The following REL variants were observed in gnomAD, a reference collection of about 807,000 sequenced individuals.
The protein encoded by REL is proto-oncogene c-Rel.
A neutral mutation model predicts 45.9 loss-of-function variants in REL; 15 were observed. That is an observed-to-expected ratio of 0.33 (90% CI 0.22 to 0.50). REL has a LOEUF of 0.50. Among genes scored for constraint, REL ranks in the 20% least tolerant of loss-of-function variants. The probability of loss-of-function intolerance (pLI) is 0.98; values close to 1 mark genes in which losing one functional copy is unlikely to be tolerated. For missense variants in REL, 601 were observed against 715.2 expected (o/e 0.84, Z 1.82); for synonymous variants, 239 against 242.1 (o/e 0.99, Z 0.12).
intron 1 of REL, among the ~76,000 whole-genome samples, chr2:60,883,919 A>G (rs1403888592): frequency 1.4e-5 from 2 of 146,500 alleles, no homozygotes. Context: ...CAAGTTATTT[A>G]AATTGTAATT....
At chr2:60,905,356 A>T (rs1411161256) in intron 4 of REL, among the ~76,000 whole-genome samples, 2 of 152,154 alleles carry the variant, frequency 1.3e-5, no homozygotes, top group African/African-American at 4.8e-5. Context: ...AGCCTCCCAA[A>T]GTGCTGGGAT....
intron 2 of REL, among the ~76,000 whole-genome samples, chr2:60,893,439 C>T (rs141406435): frequency 6.6e-5 from 10 of 152,238 alleles, no homozygotes; most frequent in East Asian, 3.9e-4. Context: ...TAAGGAAATA[C>T]TATTTGTCCA....
In REL at chr2:60,894,550, G is replaced by A; in HGVS notation, c.302+5G>A. The A allele has an allele frequency of 1.3e-6, 2 of 1,575,506 alleles. No individual in the cohort carries two copies. The highest frequency in any genetic ancestry group is 1.7e-6 in the Non-Finnish European group (2 of 1,161,382). On this transcript the variant is annotated splice_donor_5th_base_variant and intron_variant, in intron 3 of 9. Coordinates refer to ENST00000394479, the MANE Select transcript of REL (RefSeq NM_001291746.2). ...ACAAGAACGCAGACCTTTGTTGTAA[G>A]TACACAGTTACAGACATCTTCAGAA... is the stretch of plus-strand genomic sequence containing the variant.
intron 4 of REL, among the ~76,000 whole-genome samples, chr2:60,915,145 T>C (rs1673930176): frequency 6.6e-6 from 1 of 152,178 alleles, no homozygotes; most frequent in South Asian, 2.1e-4. Context: ...TGTTCTCTTT[T>C]ATTGCTGAGT....
intron 1 of REL, among the ~76,000 whole-genome samples, chr2:60,891,264 A>G (rs374965214): frequency 6.6e-6 from 1 of 152,222 alleles, no homozygotes; most frequent in Non-Finnish European, 1.5e-5. Flanking sequence ...GCAGTTAAAT[A>G]TATTTAACTC....
At chr2:60,892,238 T>A (rs1673232619) in intron 2 of REL, among the ~76,000 whole-genome samples, 2 of 152,180 alleles carry the variant, frequency 1.3e-5, no homozygotes, top group Non-Finnish European at 2.9e-5. Context: ...TCTTGGCTAG[T>A]CTTAGGGCTA....
At position 60,894,439 on chromosome 2, in the gene REL, G is replaced by C. The variant is rs760737163; in HGVS notation, c.196G>C (p.Val66Leu). The stretch of plus-strand genomic sequence containing the variant: ...AAAAGGAAAAGTGAGAATTACATTA[G>C]TAACAAAGAATGACCCATATAAACC... ...YGKGKVRITL[V>L]TKNDPYKPHP... Residue 66 changes from valine (V) to leucine (L), a missense_variant, in exon 3 of 10, where the codon GTA becomes CTA. Val to Leu is a conservative substitution (Grantham distance 32). Transcript: ENST00000394479. 6.3e-7 allele frequency: 1 copy of C among 1,587,970 alleles called. No homozygotes were observed. Among genetic ancestry groups the C allele is most frequent in the Non-Finnish European group, 8.6e-7 (1 of 1,164,100 alleles).
chr2:60,901,150 CTTTTTTTTTT>C (rs10565258), intron 4 of REL, 67 bp downstream of exon 4: 16 of 915,966 alleles, frequency 1.7e-5, no homozygotes, highest in East Asian at 1.0e-4. Context: ...TTTTCTTTCT[CTTTTTTTTTT>C]TTTTTTTTTT....
intron 2 of REL, among the ~76,000 whole-genome samples, 178 bp downstream of exon 2, chr2:60,892,003 G>T (rs1168517700): frequency 1.3e-5 from 2 of 151,644 alleles, no homozygotes; most frequent in Non-Finnish European, 2.9e-5. Flanking sequence ...GATGTCTAAG[G>T]ACATTTCTTA....
At position 60,926,285 on chromosome 2, in the gene REL, C is replaced by A. The variant is rs929439945; in HGVS notation, c.*3750C>A. On this transcript the variant is annotated 3_prime_UTR_variant, in exon 10 of 10. Coordinates refer to ENST00000394479, the MANE Select transcript of REL (RefSeq NM_001291746.2). ...TCCTACCACTTGGATGCATTTGCAT[C>A]CTGACTTCTGAAATGCCTCCAGCCT... 1 of 231,740 alleles carries A rather than the reference C, an allele frequency of 4.3e-6. No individual in the cohort carries two copies. The highest frequency in any genetic ancestry group is 2.2e-5 in the African/African-American group (1 of 45,274). The allele number at this position is 231,740 out of a possible 1,614,324, so 14.4% of individuals were successfully genotyped here.
In REL at chr2:60,928,895, A is replaced by G. The variant is rs1255281034; in HGVS notation, c.*6360A>G. The G allele has an allele frequency of 1.3e-5, 2 of 149,800 alleles. No individual in the cohort carries two copies. The highest frequency in any genetic ancestry group is 3.0e-5 in the Non-Finnish European group (2 of 66,660). The allele number at this position is 149,800 out of a possible 1,614,324, so 9.3% of individuals were successfully genotyped here. A position where few individuals can be genotyped will look rare whatever the true frequency, so the allele number is the denominator to read the frequency against. On this transcript the variant is annotated 3_prime_UTR_variant, in exon 10 of 10. Transcript: ENST00000394479. ...CATCAGAGTGAACAGGCAACCTACA[A>G]AATGGGAGAAAATTTTCGCAACCTA...
intron 4 of REL, among the ~76,000 whole-genome samples, chr2:60,913,455 T>C (rs1252125672): frequency 6.6e-6 from 1 of 152,050 alleles, no homozygotes; most frequent in Non-Finnish European, 1.5e-5. Context: ...AGTGAATGAT[T>C]TAGGTTATTT....
At chr2:60,905,914 C>T (rs948320715) in intron 4 of REL, among the ~76,000 whole-genome samples, 1 of 152,124 alleles carries the variant, frequency 6.6e-6, no homozygotes, top group South Asian at 2.1e-4. Flanking sequence ...CTTAGGACAG[C>T]GATACCCTAT....
Position 60,926,859 on chromosome 2 carries a change from C to G in REL, c.*4324C>G. 4.4e-6 allele frequency: 1 copy of G among 226,940 alleles called. No homozygotes were observed. The highest frequency in any genetic ancestry group is 8.8e-6 in the Non-Finnish European group (1 of 114,000). 14.1% of individuals were successfully genotyped at this position (226,940 alleles called of 1,614,324 possible). On this transcript the variant is annotated 3_prime_UTR_variant, in exon 10 of 10. Transcript: ENST00000394479. ...TGCCTTCTTAGTAAAGGCCTTCATT[C>G]TTTTTTCCCTAGTAATAATCTTTTC...
At position 60,920,048 on chromosome 2, in the gene REL, C is replaced by T. The variant is rs765395827; in HGVS notation, c.861C>T (p.Tyr287=). Residue 287 remains tyrosine, a synonymous_variant, in exon 8 of 10, where the codon TAC becomes TAT. Coordinates refer to ENST00000394479, the MANE Select transcript of REL (RefSeq NM_001291746.2). The part of the protein sequence containing the change: ...FRYLPDEKDT[Y]GNKAKKQKTT... ...TGGTTTCTTTCTAATCAGATACTTA[C>T]GGCAATAAAGCAAAGAAACAAAAGA... is the stretch of plus-strand genomic sequence containing the variant. 23 of 1,607,860 alleles carry T rather than the reference C, an allele frequency of 1.4e-5. No individual in the cohort carries two copies. Among genetic ancestry groups the T allele is most frequent in the South Asian group, 3.3e-5 (3 of 90,380 alleles).
intron 2 of REL, among the ~76,000 whole-genome samples, chr2:60,892,262 T>C (rs999637350): frequency 6.6e-6 from 1 of 152,198 alleles, no homozygotes; most frequent in African/African-American, 2.4e-5. Context: ...CATTTTTTTC[T>C]CCTTTTTCTT....
At chr2:60,920,290 C>A in intron 8 of REL, 181 bp downstream of exon 8, 2 of 621,806 alleles carry the variant, frequency 3.2e-6, no homozygotes, top group Non-Finnish European at 5.7e-6. Context: ...CAACCTCTGC[C>A]CCCCAGGTTC....
chr2:60,918,163 C>A (rs544203799), intron 5 of REL, 28 bp from the exon 6 acceptor site: 2 of 1,324,608 alleles, frequency 1.5e-6, no homozygotes, highest in East Asian at 2.3e-5. Context: ...GGTAGCAACT[C>A]ATTTTTTTGA....
intron 1 of REL, among the ~76,000 whole-genome samples, chr2:60,891,363 C>G (rs1274072082): frequency 1.3e-5 from 2 of 152,124 alleles, no homozygotes; most frequent in Non-Finnish European, 2.9e-5. Context: ...CTAGGTCTCA[C>G]GTGGGAGGCA....
Sources: gnomAD v4.1 joint callset for allele counts (sites outside exome capture counted in the v4.1 genomes callset) on GRCh38, gnomAD v4.1.1 for gene constraint, MANE v1.5 for transcripts, NCBI Gene and HGNC (gene_info 2026-07-23, HGNC 2026-07-21) for gene names.